The following PHLDB3 variants were observed in gnomAD, a reference collection of about 807,000 sequenced individuals.
PHLDB3 encodes pleckstrin homology like domain family B member 3, also known as pleckstrin homology-like domain family B member 3.
Under a neutral mutation model 85.7 loss-of-function variants are expected in PHLDB3, and 86 were observed. That is an observed-to-expected ratio of 1.00 (90% CI 0.84 to 1.20). PHLDB3 has a LOEUF of 1.20. Ranked by LOEUF, PHLDB3 falls within the 50% of genes most tolerant of loss-of-function variation. The pLI is 0.00. For synonymous variants in PHLDB3, 376 were observed against 349.8 expected, an observed-to-expected ratio of 1.07 and a Z score of -0.83; for missense variants, 995 against 873.0, an observed-to-expected ratio of 1.14 and a Z score of -1.76.
In PHLDB3 at chr19:43,501,836, C is replaced by T. The variant is rs1453335703; in HGVS notation, c.432G>A (p.Leu144=). ...EVEVALLRGE[L]AGERVAARRE... ...GGCGAGCGGCCACTCGCTCCCCAGCCAGCTCACCCCGCAGCAAGGCCACCT... is the reference window on the plus strand; with the variant it reads ...GGCGAGCGGCCACTCGCTCCCCAGCTAGCTCACCCCGCAGCAAGGCCACCT... Residue 144 remains leucine (L), a synonymous_variant, in exon 4 of 16, where the codon CTG becomes CTA. Coordinates refer to ENST00000292140, the MANE Select transcript of PHLDB3 (RefSeq NM_198850.4). The T allele has an allele frequency of 8.8e-6, 14 of 1,591,714 alleles. No individual in the cohort carries two copies. Among genetic ancestry groups the T allele is most frequent in the Middle Eastern group, 1.7e-4 (1 of 5,924 alleles).
chr19:43,500,685 G>A (rs1971565658), intron 4 of PHLDB3, among the ~76,000 whole-genome samples: 1 of 152,214 alleles, frequency 6.6e-6, no homozygotes, highest in Middle Eastern at 3.4e-3. Context: ...CGCCCAGGTT[G>A]GAGTGCAATG....
chr19:43,487,365 G>A (rs569697038), intron 9 of PHLDB3, among the ~76,000 whole-genome samples: 19 of 151,952 alleles, frequency 1.3e-4, no homozygotes, highest in African/African-American at 3.9e-4. Flanking sequence ...ACCTGAGGCC[G>A]GGAGCTCGAC....
At chr19:43,498,436 GAGAA>G (rs891368653) in intron 4 of PHLDB3, among the ~76,000 whole-genome samples, 1 of 145,442 alleles carries the variant, frequency 6.9e-6, no homozygotes, top group African/African-American at 2.5e-5. Flanking sequence ...AGGGAGGGAA[GAGAA>G]AGAAAAAGAA....
At chr19:43,476,181 C>T (rs1970923786) in intron 15 of PHLDB3, among the ~76,000 whole-genome samples, 1 of 152,180 alleles carries the variant, frequency 6.6e-6, no homozygotes. Context: ...TTCCACCTCC[C>T]CAAAATCTAG....
At chr19:43,481,089 G>A (rs1255995166) in intron 13 of PHLDB3, among the ~76,000 whole-genome samples, 1 of 152,194 alleles carries the variant, frequency 6.6e-6, no homozygotes, top group African/African-American at 2.4e-5. Flanking sequence ...TCAGGGTGGA[G>A]TCTGGAGTAG....
At chr19:43,497,379 T>G in intron 5 of PHLDB3, 100 bp from the exon 6 acceptor site, 1 of 1,033,182 alleles carries the variant, frequency 9.7e-7, no homozygotes, top group Non-Finnish European at 1.3e-6. Flanking sequence ...AGAAGGTGAC[T>G]GAGGACTTGG....
intron 4 of PHLDB3, among the ~76,000 whole-genome samples, chr19:43,501,276 C>T (rs1248171203): frequency 6.7e-6 from 1 of 149,572 alleles, no homozygotes; most frequent in African/African-American, 2.5e-5. Flanking sequence ...CTCCATCTCC[C>T]GGATTCAAGC....
intron 13 of PHLDB3, among the ~76,000 whole-genome samples, chr19:43,484,766 T>C (rs1280531405): frequency 1.3e-5 from 2 of 152,190 alleles, no homozygotes; most frequent in Non-Finnish European, 2.9e-5. Flanking sequence ...AGTGAAAGGA[T>C]ACAATATTTT....
rs779967220 is a variant in PHLDB3, at chr19:43,495,239, A to C, written c.1035+17T>G. On this transcript the variant is annotated intron_variant, in intron 8 of 15. Coordinates refer to ENST00000292140, the MANE Select transcript of PHLDB3 (RefSeq NM_198850.4). ...TCTGAGGGAGGAGGGACTGAGAGGC[A>C]TACAAAATCCCCATACCTTAGTGAG... 11 of 1,611,010 alleles carry C rather than the reference A, an allele frequency of 6.8e-6. No individual in the cohort carries two copies. In the South Asian group the frequency reaches 1.1e-4, roughly 16 times the overall value.
rs1373173710 is a variant in PHLDB3, at chr19:43,475,445, T to C, written c.1888A>G (p.Ile630Val). ...PEAMRIWMDV[I>V]VTAADENHAP ...TGGTTTTCGTCAGCGGCGGTCACGA[T>C]GACGTCCATCCAAATGCGCATGGCT... Residue 630 changes from isoleucine to valine, a missense_variant, in exon 16 of 16, where the codon ATC (isoleucine) becomes GTC (valine). Coordinates refer to ENST00000292140, the MANE Select transcript of PHLDB3 (RefSeq NM_198850.4). 2 of 1,613,964 alleles carry C rather than the reference T, an allele frequency of 1.2e-6. No individual in the cohort carries two copies. Among genetic ancestry groups the C allele is most frequent in the Admixed American group, 3.3e-5 (2 of 60,026 alleles).
intron 5 of PHLDB3, among the ~76,000 whole-genome samples, 166 bp downstream of exon 5, chr19:43,497,582 C>T (rs765224484): frequency 6.6e-6 from 1 of 152,040 alleles, no homozygotes; most frequent in Non-Finnish European, 1.5e-5. Context: ...TGTGGTGGTG[C>T]GCACCTGTAG....
chr19:43,502,346 C>T, intron 2 of PHLDB3, 63 bp from the exon 3 acceptor site: 1 of 1,468,716 alleles, frequency 6.8e-7, no homozygotes. Flanking sequence ...CTAAGTAGGT[C>T]TGGTCCCCAC....
At chr19:43,500,754 ACT>A (rs1325410627) in intron 4 of PHLDB3, among the ~76,000 whole-genome samples, 1 of 151,588 alleles carries the variant, frequency 6.6e-6, no homozygotes, top group African/African-American at 2.4e-5. Context: ...CTCCCACCTC[ACT>A]CTTCTGAGTC....
At chr19:43,477,807 TAAAAAA>T (rs372039420) in intron 15 of PHLDB3, among the ~76,000 whole-genome samples, 1 of 140,228 alleles carries the variant, frequency 7.1e-6, no homozygotes, top group African/African-American at 2.6e-5. Flanking sequence ...GACTCTGTCT[TAAAAAA>T]AAAAAAAAAG....
At chr19:43,486,533 T>C (rs1029697306) in intron 12 of PHLDB3, 76 bp downstream of exon 12, 123 of 1,499,064 alleles carry the variant, frequency 8.2e-5, no homozygotes, top group Non-Finnish European at 1.0e-4. Flanking sequence ...GGAGGTGGAG[T>C]TGGGGGTCTC....
chr19:43,488,360 C>T (rs935656220), intron 9 of PHLDB3, among the ~76,000 whole-genome samples: 5 of 151,756 alleles, frequency 3.3e-5, no homozygotes, highest in African/African-American at 1.2e-4. Flanking sequence ...TGGAGGCTGA[C>T]GTGGAAGGAT....
At chr19:43,484,153 A>C (rs1971102776) in intron 13 of PHLDB3, among the ~76,000 whole-genome samples, 1 of 150,792 alleles carries the variant, frequency 6.6e-6, no homozygotes, top group Non-Finnish European at 1.5e-5. Flanking sequence ...CCAGAGGCTG[A>C]GGCGGGAGAA....
intron 15 of PHLDB3, 113 bp downstream of exon 15, chr19:43,477,934 C>G (rs901332936): frequency 1.4e-6 from 1 of 715,916 alleles, no homozygotes; most frequent in South Asian, 2.0e-5. Flanking sequence ...CTATGAGTAC[C>G]CTGACAGGAG....
intron 14 of PHLDB3, 77 bp from the exon 15 acceptor site, chr19:43,478,209 C>A: frequency 8.8e-7 from 1 of 1,132,484 alleles, no homozygotes; most frequent in African/African-American, 1.5e-5. Context: ...GGTCATTGGC[C>A]CTAAGTCCTG....
Sources: allele counts gnomAD v4.1 joint callset (sites outside exome capture counted in the v4.1 genomes callset), GRCh38; gene constraint gnomAD v4.1.1; transcripts MANE v1.5; gene names NCBI Gene and HGNC (gene_info 2026-07-23, HGNC 2026-07-21).